C2CD5: variants seen among roughly 807,000 people sequenced by gnomAD.
C2CD5 encodes C2 calcium dependent domain containing 5.
C2CD5 carries 109 observed loss-of-function variants against 130.3 expected under a neutral mutation model. That is an observed-to-expected ratio of 0.84 (90% CI 0.72 to 0.98). C2CD5 has a LOEUF of 0.98. C2CD5 is among the 50% of genes least tolerant of loss of function. C2CD5 has a pLI of 0.00. For synonymous variants in C2CD5, 454 were observed against 429.2 expected (o/e 1.06, Z -0.71); for missense variants, 996 against 1,261.8 (o/e 0.79, Z 3.19).
intron 13 of C2CD5, among the ~76,000 whole-genome samples, chr12:22,483,723 T>G (rs557003354): frequency 1.3e-5 from 2 of 152,256 alleles, no homozygotes; most frequent in Admixed American, 1.3e-4. Flanking sequence ...GACTTTGTAA[T>G]AAATTTGATG....
chr12:22,477,063 T>G (rs1861927412), intron 15 of C2CD5, among the ~76,000 whole-genome samples: 1 of 152,116 alleles, frequency 6.6e-6, no homozygotes, highest in African/African-American at 2.4e-5. Flanking sequence ...GTCAGTATTG[T>G]TCAATAGAAA....
At chr12:22,524,892 T>C (rs1402327122) in intron 5 of C2CD5, among the ~76,000 whole-genome samples, 1 of 152,194 alleles carries the variant, frequency 6.6e-6, no homozygotes, top group African/African-American at 2.4e-5. Context: ...GGAAAACAGC[T>C]ATAGAAGACC....
chr12:22,470,862 T>C lies in C2CD5; in HGVS notation c.2408A>G (p.Gln803Arg). Residue 803 changes from glutamine (Q) to arginine (R), a missense_variant, in exon 21 of 27, where the codon CAA (glutamine) becomes CGA (arginine). Transcript: ENST00000446597. ...CTTTTCAACAGGGGTTTTTGTGGTT[T>C]GTAAAGCCTGATTTTTGTCAAAAGT... is the stretch of plus-strand genomic sequence containing the variant. ...AITFDKNQAL[Q>R]TTKTPVEKSL... The C allele has an allele frequency of 6.2e-7, 1 of 1,612,804 alleles. No individual in the cohort carries two copies. The highest frequency in any genetic ancestry group is 8.5e-7 in the Non-Finnish European group (1 of 1,179,024).
chr12:22,531,249 C>G (rs1951243406), intron 3 of C2CD5, among the ~76,000 whole-genome samples: 1 of 152,020 alleles, frequency 6.6e-6, no homozygotes, highest in Non-Finnish European at 1.5e-5. Context: ...TAGATAGTGG[C>G]ATTTTAGAAG....
At chr12:22,495,381 T>C (rs1347060453) in intron 10 of C2CD5, among the ~76,000 whole-genome samples, 6 of 152,102 alleles carry the variant, frequency 3.9e-5, no homozygotes, top group Non-Finnish European at 8.8e-5. Context: ...GTTCTACATA[T>C]ATTTATTTTT....
In C2CD5 at chr12:22,449,762, A is replaced by C; in HGVS notation, c.3154T>G (p.Ter1052GlyextTer11). Reference sequence around the variant, plus strand: ...GAGCTCTTTTTTCCTAATTTTCCTCAGGTTGTAACTTCGCCTTCAGTACAT... The same window carrying C: ...GAGCTCTTTTTTCCTAATTTTCCTCCGGTTGTAACTTCGCCTTCAGTACAT... ...SSCTEGEVTT[*>G] The change falls in exon 27 of 27, where the codon TGA (stop) becomes GGA (glycine). Residue 1052 changes from the stop codon to glycine (G), a stop_lost. Coordinates refer to ENST00000446597, the MANE Select transcript of C2CD5 (RefSeq NM_001286176.2). The C allele has an allele frequency of 1.3e-6, 2 of 1,572,450 alleles. No individual in the cohort carries two copies. Among genetic ancestry groups the C allele is most frequent in the Non-Finnish European group, 1.7e-6 (2 of 1,149,276 alleles).
chr12:22,500,321 T>C (rs1466104005), intron 10 of C2CD5, among the ~76,000 whole-genome samples: 2 of 151,538 alleles, frequency 1.3e-5, no homozygotes, highest in Admixed American at 1.3e-4. Context: ...AAGCATGAAG[T>C]AACTATGTAA....
chr12:22,508,489 A>C (rs1371521111), intron 9 of C2CD5, among the ~76,000 whole-genome samples: 1 of 152,200 alleles, frequency 6.6e-6, no homozygotes, highest in Non-Finnish European at 1.5e-5. Context: ...AAATTGTACA[A>C]ACTAGAGGAT....
intron 10 of C2CD5, among the ~76,000 whole-genome samples, chr12:22,499,887 T>C (rs560808868): frequency 1.3e-5 from 2 of 152,304 alleles, no homozygotes; most frequent in Admixed American, 1.3e-4. Flanking sequence ...TTCTTCCTGC[T>C]CTATAAAAAC....
chr12:22,474,797 G>T lies in C2CD5; in HGVS notation c.1997C>A (p.Thr666Lys). The change falls in exon 16 of 27, where the codon ACA becomes AAA. Residue 666 changes from threonine to lysine, a missense_variant. Physicochemically the swap from Thr to Lys is moderately conservative, Grantham distance 78. Coordinates refer to ENST00000446597, the MANE Select transcript of C2CD5 (RefSeq NM_001286176.2). The part of the protein sequence containing the change: ...RSQSESSDEV[T>K]ELDLSHGKKD... Reference sequence around the variant, plus strand: ...TTTCCCATGTGAAAGGTCTAATTCTGTAACTTCATCCGAGCTTTCTGATTG... The same window carrying T: ...TTTCCCATGTGAAAGGTCTAATTCTTTAACTTCATCCGAGCTTTCTGATTG... 4 of 1,610,894 alleles carry T rather than the reference G, an allele frequency of 2.5e-6. No homozygotes were observed. Among genetic ancestry groups the T allele is most frequent in the Non-Finnish European group, 3.4e-6 (4 of 1,178,202 alleles).
intron 10 of C2CD5, among the ~76,000 whole-genome samples, chr12:22,501,071 T>C (rs1393188759): frequency 6.6e-6 from 1 of 152,218 alleles, no homozygotes; most frequent in Non-Finnish European, 1.5e-5. Context: ...TTCAGAATTA[T>C]CAAGTTATTT....
At chr12:22,505,428 T>C (rs1415408163) in intron 10 of C2CD5, among the ~76,000 whole-genome samples, 1 of 152,110 alleles carries the variant, frequency 6.6e-6, no homozygotes, top group Non-Finnish European at 1.5e-5. Context: ...AGCTGATTTT[T>C]GTATTTTTAG....
At chr12:22,502,294 T>C (rs534093057) in intron 10 of C2CD5, among the ~76,000 whole-genome samples, 72 of 152,222 alleles carry the variant, frequency 4.7e-4, no homozygotes, top group Non-Finnish European at 7.9e-4. Flanking sequence ...AGTTACACTT[T>C]TACAGTAGCC....
chr12:22,454,102 C>T, intron 25 of C2CD5, 60 bp from the exon 26 acceptor site: 2 of 1,310,586 alleles, frequency 1.5e-6, no homozygotes, highest in South Asian at 1.3e-5. Context: ...TATAGGAATG[C>T]ACACAAAATG....
At chr12:22,477,342 G>A (rs1943990507) in intron 15 of C2CD5, 1 of 152,086 alleles carries the variant, frequency 6.6e-6, no homozygotes. Context: ...AATGAATAGT[G>A]CAGCTGTAGG....
intron 13 of C2CD5, among the ~76,000 whole-genome samples, chr12:22,483,701 G>A (rs776409352): frequency 2.0e-5 from 3 of 152,108 alleles, no homozygotes; most frequent in Non-Finnish European, 4.4e-5. Context: ...CATTTTAGAA[G>A]AAAAATCAAC....
At chr12:22,497,898 G>GCACACACA (rs1356049317) in intron 10 of C2CD5, among the ~76,000 whole-genome samples, 1 of 102,142 alleles carries the variant, frequency 9.8e-6, no homozygotes, top group Non-Finnish European at 2.1e-5. Flanking sequence ...ATACACGCAT[G>GCACACACA]CACACACATA....
intron 3 of C2CD5, among the ~76,000 whole-genome samples, chr12:22,532,388 A>G (rs1291413425): frequency 6.6e-6 from 1 of 151,996 alleles, no homozygotes; most frequent in Non-Finnish European, 1.5e-5. Context: ...TGCAACTCAT[A>G]TTAACATACA....
chr12:22,482,500 T>C (rs1054199916), intron 14 of C2CD5, 57 bp downstream of exon 14: 5 of 1,401,068 alleles, frequency 3.6e-6, no homozygotes, highest in Non-Finnish European at 5.0e-6. Flanking sequence ...TCACATAACA[T>C]AGAATCTACT....
Sources: allele counts gnomAD v4.1 joint callset (sites outside exome capture counted in the v4.1 genomes callset), GRCh38; gene constraint gnomAD v4.1.1; transcripts MANE v1.5; gene names NCBI Gene and HGNC (gene_info 2026-07-23, HGNC 2026-07-21).